The following CCDC141 variants were observed in gnomAD, a reference collection of about 807,000 sequenced individuals.
The protein encoded by CCDC141 is coiled-coil domain containing 141.
Under a neutral mutation model 181.0 loss-of-function variants are expected in CCDC141, and 168 were observed. The observed-to-expected ratio is 0.93, with a 90% CI of 0.82 to 1.05. The LOEUF is 1.05. CCDC141 is among the 50% of genes least tolerant of loss of function. The pLI, the probability that CCDC141 is intolerant of heterozygous loss-of-function variation, is 0.00. For missense variants in CCDC141, 1,902 were observed against 1,788.5 expected (o/e 1.06, Z -1.14); for synonymous variants, 666 against 642.3 (o/e 1.04, Z -0.56).
chr2:178,951,054 A>G (rs1689932593), intron 5 of CCDC141, among the ~76,000 whole-genome samples: 1 of 152,162 alleles, frequency 6.6e-6, no homozygotes, highest in Non-Finnish European at 1.5e-5. Context: ...CAAAATCAGT[A>G]CAGTAGATGT....
chr2:178,830,614 T>C lies in CCDC141; in HGVS notation c.*3559A>G, dbSNP rs1684212336. On this transcript the variant is annotated 3_prime_UTR_variant, in exon 24 of 24. Coordinates refer to ENST00000443758, the MANE Select transcript of CCDC141 (RefSeq NM_173648.4). Reference sequence around the variant, plus strand: ...ACAATGACAACAGGGCTGTCATGAATCCTGCTGATAAGGTTCTTACAGCCT... The same window carrying C: ...ACAATGACAACAGGGCTGTCATGAACCCTGCTGATAAGGTTCTTACAGCCT... 6.6e-6 allele frequency: 1 copy of C among 152,230 alleles called. No homozygotes were observed. The highest frequency in any genetic ancestry group is 1.5e-5 in the Non-Finnish European group (1 of 68,064). The allele number at this position is 152,230 out of a possible 1,614,324, so 9.4% of individuals were successfully genotyped here. A position where few individuals can be genotyped will look rare whatever the true frequency, so the allele number is the denominator to read the frequency against.
chr2:179,048,405 T>A (rs989418377), intron 1 of CCDC141, among the ~76,000 whole-genome samples: 2 of 152,136 alleles, frequency 1.3e-5, no homozygotes, highest in Admixed American at 1.3e-4. Context: ...AGAAACACAA[T>A]TCAGTTAAAA....
chr2:178,818,931 A>C, the CCDC141 span, among the ~76,000 whole-genome samples: 1 of 152,190 alleles, frequency 6.6e-6, no homozygotes, highest in Non-Finnish European at 1.5e-5. Flanking sequence ...ACTTTTATCA[A>C]GACTCTTGAA....
Position 178,871,519 on chromosome 2 carries a change from G to C in CCDC141, c.2113C>G (p.Leu705Val), listed in dbSNP as rs768955320. 6.2e-7 allele frequency: 1 copy of C among 1,613,872 alleles called. No individual in the cohort carries two copies. Among genetic ancestry groups the C allele is most frequent in the Non-Finnish European group, 8.5e-7 (1 of 1,179,896 alleles). ...AGGTCAAGTGCAGACACAGGCATAA[G>C]TGCTTCCTGAAGAAGTTTTAAGTTG... ...SHNLKLLQEALMPVSALDLGG... is the reference protein window; with the variant it reads ...SHNLKLLQEAVMPVSALDLGG... Residue 705 changes from leucine to valine, a missense_variant, in exon 14 of 24, where the codon CTT becomes GTT. Transcript: ENST00000443758.
chr2:178,860,342 G>C (rs1575139326), intron 17 of CCDC141, among the ~76,000 whole-genome samples: 1 of 151,700 alleles, frequency 6.6e-6, no homozygotes, highest in East Asian at 1.9e-4. Flanking sequence ...AGACCAGCCT[G>C]GCCAACATGG....
intron 5 of CCDC141, among the ~76,000 whole-genome samples, chr2:178,949,113 G>T (rs566478475): frequency 6.6e-6 from 1 of 152,248 alleles, no homozygotes; most frequent in Admixed American, 6.5e-5. Context: ...GCGGAAAGTT[G>T]ATACAGGGAT....
intron 5 of CCDC141, among the ~76,000 whole-genome samples, chr2:178,955,639 G>T (rs1690130629): frequency 6.6e-6 from 1 of 151,884 alleles, no homozygotes; most frequent in African/African-American, 2.4e-5. Context: ...TCATTTGTTT[G>T]TTTAGTTTTT....
intron 23 of CCDC141, among the ~76,000 whole-genome samples, 153 bp from the exon 24 acceptor site, chr2:178,834,593 C>G (rs754161705): frequency 6.6e-5 from 10 of 151,912 alleles, no homozygotes; most frequent in Non-Finnish European, 1.2e-4. Flanking sequence ...CAGTGGGGCT[C>G]TTTATCTTTT....
At chr2:179,029,953 C>T (rs1182634193) in intron 2 of CCDC141, among the ~76,000 whole-genome samples, 1 of 151,936 alleles carries the variant, frequency 6.6e-6, no homozygotes, top group Non-Finnish European at 1.5e-5. Context: ...TTGCTTAGTC[C>T]TGGAGAACAG....
At chr2:179,003,998 T>C (rs896874003) in intron 2 of CCDC141, among the ~76,000 whole-genome samples, 6 of 152,162 alleles carry the variant, frequency 3.9e-5, no homozygotes, top group Non-Finnish European at 7.3e-5. Flanking sequence ...AGGTGGAGGG[T>C]ACAAACATCT....
chr2:178,881,540 C>T (rs1686606320), intron 11 of CCDC141, among the ~76,000 whole-genome samples: 1 of 151,940 alleles, frequency 6.6e-6, no homozygotes, highest in South Asian at 2.1e-4. Context: ...ATTTGTCAAC[C>T]AGTAGGTAGC....
chr2:179,020,004 C>T (rs980866158), intron 2 of CCDC141, among the ~76,000 whole-genome samples: 1 of 152,086 alleles, frequency 6.6e-6, no homozygotes, highest in African/African-American at 2.4e-5. Context: ...AATCTGACCA[C>T]CTGGGCCTAC....
At chr2:178,844,025 T>C (rs1052311588) in intron 22 of CCDC141, among the ~76,000 whole-genome samples, 1 of 152,226 alleles carries the variant, frequency 6.6e-6, no homozygotes, top group African/African-American at 2.4e-5. Flanking sequence ...TCCATGAAGG[T>C]AAATCTTGCT....
chr2:178,887,054 A>G (rs1248153285), intron 9 of CCDC141, among the ~76,000 whole-genome samples, 183 bp from the exon 10 acceptor site: 1 of 152,228 alleles, frequency 6.6e-6, no homozygotes, highest in African/African-American at 2.4e-5. Flanking sequence ...GCTGCTCTTC[A>G]TAGGAGGTAA....
intron 17 of CCDC141, among the ~76,000 whole-genome samples, chr2:178,857,910 T>G (rs149985032): frequency 3.6e-4 from 55 of 152,358 alleles, no homozygotes; most frequent in Middle Eastern, 3.4e-3. Flanking sequence ...AATGCTTATT[T>G]CAAATTCTGC....
At chr2:178,976,334 T>C (rs952973439) in intron 3 of CCDC141, among the ~76,000 whole-genome samples, 4 of 152,178 alleles carry the variant, frequency 2.6e-5, no homozygotes, top group African/African-American at 9.7e-5. Flanking sequence ...TCAAGTCTTC[T>C]CCAAACTATC....
chr2:178,852,324 T>G (rs1685198926), intron 20 of CCDC141, among the ~76,000 whole-genome samples: 1 of 152,146 alleles, frequency 6.6e-6, no homozygotes, highest in South Asian at 2.1e-4. Context: ...AAAATATACT[T>G]TCCTCAAGTT....
In CCDC141 at chr2:178,905,508, A is replaced by C. The variant is rs199660822; in HGVS notation, c.1093-7T>G. Reference sequence around the variant, plus strand: ...TTCCAAGTACATCAAATGCCTGCCAAAGAAAACATACTTTTATTTTCTGCT... The same window carrying C: ...TTCCAAGTACATCAAATGCCTGCCACAGAAAACATACTTTTATTTTCTGCT... On this transcript the variant is annotated splice_polypyrimidine_tract_variant and splice_region_variant and intron_variant, in intron 7 of 23. Coordinates refer to ENST00000443758, the MANE Select transcript of CCDC141 (RefSeq NM_173648.4). 5.3e-5 allele frequency: 81 copies of C among 1,539,612 alleles called. No homozygotes were observed. The highest frequency in any genetic ancestry group is 1.0e-4 in the Admixed American group (5 of 48,390).
chr2:178,961,375 C>T lies in CCDC141; in HGVS notation c.635G>A (p.Gly212Glu). 1 of 1,550,540 alleles carries T rather than the reference C, an allele frequency of 6.4e-7. No homozygotes were observed. Among genetic ancestry groups the T allele is most frequent in the Non-Finnish European group, 8.7e-7 (1 of 1,146,942 alleles). Residue 212 changes from glycine (G) to glutamate (E), a missense_variant, in exon 5 of 24, where the codon GGA (glycine) becomes GAA (glutamate). Gly to Glu is a moderately conservative substitution (Grantham distance 98). Transcript: ENST00000443758. ...GPNVNPELTQ[G>E]AHSSCLKVDR... is the part of the protein sequence containing the mutation. The stretch of plus-strand genomic sequence containing the variant: ...AACCTTCAGACAGCTGCTATGAGCT[C>T]CCTGAGTCAACTCAGGATTCACATT...
Sources: allele counts gnomAD v4.1 joint callset (sites outside exome capture counted in the v4.1 genomes callset), GRCh38; gene constraint gnomAD v4.1.1; transcripts MANE v1.5; gene names NCBI Gene and HGNC (gene_info 2026-07-23, HGNC 2026-07-21).